LBHD2: variants seen among roughly 807,000 people sequenced by gnomAD.
The protein encoded by LBHD2 is LBH domain containing 2.
chr14:103,089,954 G>C lies in LBHD2; in HGVS notation c.*157G>C, dbSNP rs1385133346. On this transcript the variant is annotated 3_prime_UTR_variant, in exon 4 of 4. Coordinates refer to ENST00000634353, the MANE Select transcript of LBHD2 (RefSeq NM_001330236.2). Reference sequence around the variant, plus strand: ...CTGGACCGCAGCCCTGCCCTCTTCTGCCCATGGCCCAGGTCTGGATCACAC... The same window carrying C: ...CTGGACCGCAGCCCTGCCCTCTTCTCCCCATGGCCCAGGTCTGGATCACAC... The C allele has an allele frequency of 2.5e-6, 1 of 397,050 alleles. No individual in the cohort carries two copies. The highest frequency in any genetic ancestry group is 2.1e-5 in the African/African-American group (1 of 48,632). The allele number at this position is 397,050 out of a possible 1,614,324, so 24.6% of individuals were successfully genotyped here.
chr14:103,087,849 C>T (rs1378668566), intron 2 of LBHD2, among the ~76,000 whole-genome samples: 4 of 152,186 alleles, frequency 2.6e-5, no homozygotes, highest in Admixed American at 2.6e-4. Context: ...TATGGTGCCT[C>T]CTGAGAGCTG....
chr14:103,086,634 G>A (rs986774304), intron 2 of LBHD2, among the ~76,000 whole-genome samples: 37 of 152,144 alleles, frequency 2.4e-4, no homozygotes, highest in African/African-American at 6.5e-4. Flanking sequence ...TTTGCTCTCT[G>A]CTGAGTGAGG....
At position 103,089,777 on chromosome 14, in the gene LBHD2, G is replaced by A. The variant is rs994827129; in HGVS notation, c.307G>A (p.Ala103Thr). The A allele has an allele frequency of 1.3e-5, 5 of 398,546 alleles. No individual in the cohort carries two copies. The highest frequency in any genetic ancestry group is 2.2e-5 in the Non-Finnish European group (5 of 226,086). The allele number at this position is 398,546 out of a possible 1,614,324, so 24.7% of individuals were successfully genotyped here. Reference sequence around the variant, plus strand: ...CGAGTGTGCCTGCTCCGAGGACCCAGCAGCCCCGGCCCGGGGATAGGACAA... The same window carrying A: ...CGAGTGTGCCTGCTCCGAGGACCCAACAGCCCCGGCCCGGGGATAGGACAA... ...GSECACSEDP[A>T]APARG The change falls in exon 4 of 4, where the codon GCA (alanine) becomes ACA (threonine). Residue 103 changes from alanine to threonine, a missense_variant. Physicochemically the swap from Ala to Thr is moderately conservative, Grantham distance 58. Transcript: ENST00000634353.
In LBHD2 at chr14:103,089,691, C is replaced by G. The variant is rs1889685615; in HGVS notation, c.227-6C>G. 1 of 398,542 alleles carries G rather than the reference C, an allele frequency of 2.5e-6. No individual in the cohort carries two copies. Among genetic ancestry groups the G allele is most frequent in the Non-Finnish European group, 4.4e-6 (1 of 226,076 alleles). 24.7% of individuals were successfully genotyped at this position (398,542 alleles called of 1,614,324 possible). A position where few individuals can be genotyped will look rare whatever the true frequency, so the allele number is the denominator to read the frequency against. ...GACCAACACGGCCGCCTTTATGTTT[C>G]TGCAGCCCCCTCGCCGAGTCTGCCC... On this transcript the variant is annotated splice_region_variant and splice_polypyrimidine_tract_variant and intron_variant, in intron 3 of 3. Coordinates refer to ENST00000634353, the MANE Select transcript of LBHD2 (RefSeq NM_001330236.2).
chr14:103,086,176 T>C, intron 2 of LBHD2, 95 bp downstream of exon 2: 1 of 398,212 alleles, frequency 2.5e-6, no homozygotes, highest in East Asian at 3.6e-5. Context: ...CTGGCCTCAG[T>C]TTACCCATCT....
chr14:103,089,365 G>A (rs1315591890), intron 3 of LBHD2, among the ~76,000 whole-genome samples: 1 of 152,192 alleles, frequency 6.6e-6, no homozygotes, highest in Non-Finnish European at 1.5e-5. Flanking sequence ...AAAGCCTCTT[G>A]TCAGTTTCTG....
chr14:103,088,309 G>A (rs1342588724), intron 3 of LBHD2, 68 bp downstream of exon 3: 3 of 398,370 alleles, frequency 7.5e-6, no homozygotes, highest in Non-Finnish European at 1.3e-5. Flanking sequence ...GAAGCGGGGC[G>A]TGCTTCCTGC....
chr14:103,087,325 G>T (rs939278995), intron 2 of LBHD2, among the ~76,000 whole-genome samples: 1 of 152,336 alleles, frequency 6.6e-6, no homozygotes, highest in Admixed American at 6.5e-5. Flanking sequence ...CTTCCTCGAG[G>T]CCCTTGTGCT....
In LBHD2 at chr14:103,089,704, G is replaced by A. The variant is rs1408949172; in HGVS notation, c.234G>A (p.Ser78=). The A allele has an allele frequency of 1.5e-5, 6 of 398,506 alleles. No homozygotes were observed. The highest frequency in any genetic ancestry group is 7.1e-5 in the East Asian group (2 of 28,086). 24.7% of individuals were successfully genotyped at this position (398,506 alleles called of 1,614,324 possible). ...PSQSRAAAAP[S]PSLPGEPGKA... is the part of the protein sequence containing the mutation. ...GCCTTTATGTTTCTGCAGCCCCCTC[G>A]CCGAGTCTGCCCGGAGAACCAGGGA... Residue 78 remains serine, a synonymous_variant, in exon 4 of 4, where the codon TCG becomes TCA. Coordinates refer to ENST00000634353, the MANE Select transcript of LBHD2 (RefSeq NM_001330236.2).
chr14:103,086,613 C>T (rs1396814941), intron 2 of LBHD2, among the ~76,000 whole-genome samples: 2 of 152,142 alleles, frequency 1.3e-5, no homozygotes, highest in Non-Finnish European at 2.9e-5. Context: ...GGGATTGTCC[C>T]CAAGGCACGC....
intron 1 of LBHD2, among the ~76,000 whole-genome samples, chr14:103,085,023 C>T (rs1595222023): frequency 6.6e-6 from 1 of 152,170 alleles, no homozygotes; most frequent in Non-Finnish European, 1.5e-5. Flanking sequence ...AGTGTGTGCC[C>T]CTCCTAGCCC....
At chr14:103,088,819 C>T (rs1175879551) in intron 3 of LBHD2, among the ~76,000 whole-genome samples, 1 of 152,226 alleles carries the variant, frequency 6.6e-6, no homozygotes, top group Admixed American at 6.5e-5. Flanking sequence ...CATGGTGAAA[C>T]CCCATCTCTA....
intron 1 of LBHD2, among the ~76,000 whole-genome samples, chr14:103,084,705 G>GTCTGTT (rs912164606): frequency 1.3e-5 from 2 of 151,982 alleles, no homozygotes; most frequent in African/African-American, 4.8e-5. Context: ...TCATCTGTGG[G>GTCTGTT]TCTGTTTCTG....
At chr14:103,086,377 A>C (rs889212481) in intron 2 of LBHD2, among the ~76,000 whole-genome samples, 13 of 152,170 alleles carry the variant, frequency 8.5e-5, no homozygotes, top group African/African-American at 3.1e-4. Flanking sequence ...ATGCCCAGTT[A>C]ATTTTTGTAT....
chr14:103,088,818 A>G (rs533805957), intron 3 of LBHD2, among the ~76,000 whole-genome samples: 1 of 152,214 alleles, frequency 6.6e-6, no homozygotes, highest in African/African-American at 2.4e-5. Flanking sequence ...ACATGGTGAA[A>G]CCCCATCTCT....
In LBHD2 at chr14:103,089,743, C is replaced by T. The variant is rs1176609169; in HGVS notation, c.273C>T (p.Asn91=). 1.8e-5 allele frequency: 7 copies of T among 398,694 alleles called. No homozygotes were observed. Among genetic ancestry groups the T allele is most frequent in the African/African-American group, 4.1e-5 (2 of 48,766 alleles). The allele number at this position is 398,694 out of a possible 1,614,324, so 24.7% of individuals were successfully genotyped here. The stretch of plus-strand genomic sequence containing the variant: ...GAGAACCAGGGAAAGCTGCAGATAA[C>T]GCTGGCAGCGAGTGTGCCTGCTCCG... ...LPGEPGKAAD[N]AGSECACSED... is the part of the protein sequence containing the mutation. The change falls in exon 4 of 4, where the codon AAC becomes AAT. Residue 91 remains asparagine (N), a synonymous_variant. Coordinates refer to ENST00000634353, the MANE Select transcript of LBHD2 (RefSeq NM_001330236.2).
chr14:103,085,906 C>T, intron 1 of LBHD2, 70 bp from the exon 2 acceptor site: 3 of 397,654 alleles, frequency 7.5e-6, no homozygotes, highest in Non-Finnish European at 8.9e-6. Context: ...GTGGGCTTAG[C>T]ACCTGAAGCC....
intron 1 of LBHD2, among the ~76,000 whole-genome samples, chr14:103,085,380 T>C (rs564678975): frequency 3.3e-5 from 5 of 152,348 alleles, no homozygotes; most frequent in Admixed American, 2.0e-4. Flanking sequence ...GGGGCTCTCT[T>C]CCCAGAGCCC....
chr14:103,086,049 G>A lies in LBHD2; in HGVS notation c.37G>A (p.Ala13Thr), dbSNP rs1208109223. The A allele has an allele frequency of 1.3e-5, 5 of 398,554 alleles. No homozygotes were observed. Among genetic ancestry groups the A allele is most frequent in the Admixed American group, 4.4e-5 (1 of 22,712 alleles). 24.7% of individuals were successfully genotyped at this position (398,554 alleles called of 1,614,324 possible). A position where few individuals can be genotyped will look rare whatever the true frequency, so the allele number is the denominator to read the frequency against. Residue 13 changes from alanine (A) to threonine (T), a missense_variant, in exon 2 of 4, where the codon GCT (alanine) becomes ACT (threonine). Ala to Thr is a moderately conservative substitution (Grantham distance 58). Coordinates refer to ENST00000634353, the MANE Select transcript of LBHD2 (RefSeq NM_001330236.2). ...TPRPAPPQPG[A>T]AEGAGGPEGK... ...CCGGCCTGCTCCACCACAGCCAGGC[G>A]CTGCTGAGGGGGCTGGAGGCCCAGA...
Sources: allele counts gnomAD v4.1 joint callset (sites outside exome capture counted in the v4.1 genomes callset), GRCh38; gene constraint gnomAD v4.1.1; transcripts MANE v1.5; gene names NCBI Gene and HGNC (gene_info 2026-07-23, HGNC 2026-07-21).